The following ADD3 variants were observed in gnomAD, a reference collection of about 807,000 sequenced individuals.
ADD3 encodes gamma-adducin.
In ADD3, 25 loss-of-function variants were observed where a neutral mutation model predicts 80.2. The observed-to-expected ratio is 0.31, with a 90% CI of 0.23 to 0.44. The LOEUF (loss-of-function observed/expected upper bound fraction) is 0.44, where lower values mean the gene tolerates loss of function less well. Ranked by LOEUF, ADD3 falls within the 20% of genes least tolerant of loss-of-function variation. ADD3 has a pLI of 1.00. For missense variants in ADD3, 829 were observed against 847.5 expected (o/e 0.98, Z 0.27); for synonymous variants, 284 against 289.6 (o/e 0.98, Z 0.20).
intron 1 of ADD3, among the ~76,000 whole-genome samples, chr10:110,052,650 G>A (rs1857654128): frequency 6.6e-6 from 1 of 152,202 alleles, no homozygotes. Flanking sequence ...GGGTAAAACA[G>A]CTTTCTTAAA....
chr10:110,093,873 C>CT (rs1232556453), intron 1 of ADD3, among the ~76,000 whole-genome samples: 1 of 152,046 alleles, frequency 6.6e-6, no homozygotes, highest in Non-Finnish European at 1.5e-5. Context: ...TGAATGTGGT[C>CT]TTTCCCTGTA....
In ADD3 at chr10:110,017,333, C is replaced by T. The variant is rs1051150894; in HGVS notation, c.-30+9034C>T. The stretch of plus-strand genomic sequence containing the variant: ...AAGGAAGTGGTAACATGGGTAAATA[C>T]GATTGAGAATTCACTAGAATCAGGA... On this transcript the variant is annotated intron_variant, in intron 1 of 14. Transcript: ENST00000356080. 3.3e-5 allele frequency among the ~76,000 whole-genome samples: 5 copies of T among 152,134 alleles called. No homozygotes were observed. The East Asian group carries it at 5.8e-4, about 18-fold the overall frequency.
chr10:109,997,558 C>T (rs145259453), intron 1 of ADD3: 1 of 152,298 alleles, frequency 6.6e-6, no homozygotes, highest in African/African-American at 2.4e-5. Flanking sequence ...TTCTGAAGGA[C>T]CCCTTCACAA....
At chr10:110,090,728 C>T (rs1367373741) in intron 1 of ADD3, among the ~76,000 whole-genome samples, 1 of 152,198 alleles carries the variant, frequency 6.6e-6, no homozygotes, top group African/African-American at 2.4e-5. Flanking sequence ...CCAATTGACA[C>T]ATATTTTATC....
At chr10:110,077,092 A>T (rs1845457790) in intron 1 of ADD3, 1 of 152,262 alleles carries the variant, frequency 6.6e-6, no homozygotes, top group Non-Finnish European at 1.5e-5. Flanking sequence ...AACCAGCTTA[A>T]GAAATGTACA....
Position 110,134,419 on chromosome 10 carries a change from T to C in ADD3, c.*801T>C, listed in dbSNP as rs1853444042. The C allele has an allele frequency of 6.6e-6, 1 of 152,538 alleles. No homozygotes were observed. The highest frequency in any genetic ancestry group is 2.4e-5 in the African/African-American group (1 of 41,422). The allele number at this position is 152,538 out of a possible 1,614,324, so 9.4% of individuals were successfully genotyped here. On this transcript the variant is annotated 3_prime_UTR_variant, in exon 15 of 15. Coordinates refer to ENST00000356080, the MANE Select transcript of ADD3 (RefSeq NM_016824.5). ...AGCATATTAGCCAATCTTTTCACAG[T>C]AGAGCATACTTAAGGCTGCTTGGTA... is the stretch of plus-strand genomic sequence containing the variant.
At chr10:110,116,860 C>T (rs1186505271) in intron 4 of ADD3, among the ~76,000 whole-genome samples, 3 of 152,136 alleles carry the variant, frequency 2.0e-5, no homozygotes, top group Non-Finnish European at 2.9e-5. Context: ...TATTTGGAAA[C>T]AAAAGAGGAT....
chr10:110,034,602 A>T (rs1429552755), intron 1 of ADD3, among the ~76,000 whole-genome samples: 1 of 152,160 alleles, frequency 6.6e-6, no homozygotes. Flanking sequence ...ATCAGTTATT[A>T]AATGGGGCTT....
chr10:110,129,108 T>C (rs926671464), intron 12 of ADD3, among the ~76,000 whole-genome samples: 32 of 152,012 alleles, frequency 2.1e-4, no homozygotes, highest in African/African-American at 7.5e-4. Flanking sequence ...CCTGCAACTG[T>C]ATTTTGTGTC....
At chr10:110,092,922 C>T (rs1847724102) in intron 1 of ADD3, among the ~76,000 whole-genome samples, 1 of 152,066 alleles carries the variant, frequency 6.6e-6, no homozygotes, top group Non-Finnish European at 1.5e-5. Context: ...TGCAGTGGTG[C>T]AATCTTGGCT....
chr10:110,094,149 GTTC>G (rs763012404), intron 1 of ADD3, among the ~76,000 whole-genome samples: 15 of 152,140 alleles, frequency 9.9e-5, no homozygotes, highest in East Asian at 1.9e-4. Flanking sequence ...TAGAATTTTA[GTTC>G]TTCTTAATAG....
At chr10:110,073,311 T>G (rs563530521) in intron 1 of ADD3, among the ~76,000 whole-genome samples, 7 of 151,694 alleles carry the variant, frequency 4.6e-5, no homozygotes, top group Non-Finnish European at 1.0e-4. Context: ...CCCAGCTAAT[T>G]TTTTGTATTT....
At chr10:110,123,951 A>C in intron 9 of ADD3, 66 bp from the exon 10 acceptor site, 2 of 1,471,260 alleles carry the variant, frequency 1.4e-6, no homozygotes, top group Non-Finnish European at 1.9e-6. Context: ...TACAAAAGGA[A>C]TTAGGATCCA....
intron 1 of ADD3, among the ~76,000 whole-genome samples, chr10:110,095,247 C>T (rs1274509091): frequency 6.6e-6 from 1 of 152,176 alleles, no homozygotes; most frequent in African/African-American, 2.4e-5. Flanking sequence ...CATACCATGC[C>T]ATTTGGCCAT....
chr10:110,040,954 GTCTCTCTCTGTCTCTCTCTCTCTC>G (rs1485454391), intron 1 of ADD3, among the ~76,000 whole-genome samples: 3 of 29,572 alleles, frequency 1.0e-4, no homozygotes, highest in Non-Finnish European at 3.4e-4. Context: ...CGCTCTCTCT[GTCTCTCTCTGTCTCTCTCTCTCTC>G]TCTCTCTCCG....
intron 1 of ADD3, among the ~76,000 whole-genome samples, chr10:110,009,227 A>G (rs74154940): frequency 0.011 from 1,610 of 152,252 alleles, 32 homozygotes; most frequent in African/African-American, 0.038. Flanking sequence ...GATTATATGC[A>G]AGTTTGGGGA....
At chr10:110,066,377 C>T (rs1028441084) in intron 1 of ADD3, among the ~76,000 whole-genome samples, 19 of 152,120 alleles carry the variant, frequency 1.2e-4, no homozygotes, top group African/African-American at 4.1e-4. Context: ...GCTGGGACTA[C>T]AGGTGTGTGC....
At position 110,119,169 on chromosome 10, in the gene ADD3, A is replaced by G. The variant is rs1281637516; in HGVS notation, c.718-42A>G. ...ATCAGGTTCCTATGAAAATGTATTT[A>G]GTAACCAAATGTGTTATCTTGGTAT... is the stretch of plus-strand genomic sequence containing the variant. On this transcript the variant is annotated intron_variant, in intron 6 of 14. Transcript: ENST00000356080. 2.5e-6 allele frequency: 4 copies of G among 1,603,972 alleles called. No individual in the cohort carries two copies. The South Asian group carries it at 4.4e-5, about 18-fold the overall frequency.
At chr10:110,048,160 A>C (rs546595419) in intron 1 of ADD3, among the ~76,000 whole-genome samples, 12 of 152,062 alleles carry the variant, frequency 7.9e-5, no homozygotes, top group Non-Finnish European at 1.5e-4. Flanking sequence ...CTTTCGCTTG[A>C]TCATTCTCTC....
Sources: gnomAD v4.1 joint callset for allele counts (sites outside exome capture counted in the v4.1 genomes callset) on GRCh38, gnomAD v4.1.1 for gene constraint, MANE v1.5 for transcripts, NCBI Gene and HGNC (gene_info 2026-07-23, HGNC 2026-07-21) for gene names.